The following DACH1 variants were observed in gnomAD, a reference collection of about 807,000 sequenced individuals.
The protein encoded by DACH1 is dachshund homolog 1.
Under a neutral mutation model 54.2 loss-of-function variants are expected in DACH1, and 12 were observed. That is an observed-to-expected ratio of 0.22 (90% CI 0.14 to 0.36). DACH1 has a LOEUF of 0.36. Among genes scored for constraint, DACH1 ranks in the 10% least tolerant of loss-of-function variants. DACH1 has a pLI of 1.00. For synonymous variants in DACH1, 386 were observed against 366.2 expected (o/e 1.05, Z -0.62); for missense variants, 805 against 929.8 (o/e 0.87, Z 1.75).
chr13:71,862,207 G>A (rs57429365), intron 1 of DACH1, among the ~76,000 whole-genome samples: 1 of 151,866 alleles, frequency 6.6e-6, no homozygotes, highest in Non-Finnish European at 1.5e-5. Context: ...AACAATGAAA[G>A]AAATGAATAT....
chr13:71,706,058 T>C (rs1282815404), intron 1 of DACH1, among the ~76,000 whole-genome samples: 1 of 152,064 alleles, frequency 6.6e-6, no homozygotes, highest in Non-Finnish European at 1.5e-5. Flanking sequence ...ATCATAAATA[T>C]TCTCTACCTT....
At chr13:71,706,563 T>A (rs1476813464) in intron 1 of DACH1, among the ~76,000 whole-genome samples, 1 of 152,184 alleles carries the variant, frequency 6.6e-6, no homozygotes, top group African/African-American at 2.4e-5. Flanking sequence ...AAGCACTGGC[T>A]TGATACAAAA....
rs559652544 is a variant in DACH1, at chr13:71,650,241, G to A, written c.965-19524C>T. ...ATCAATACATATCAAGAGCACATCA[G>A]CAATGTTTCCTCTACCATTACATTG... On this transcript the variant is annotated intron_variant, in intron 2 of 10. Transcript: ENST00000613252. Among the ~76,000 whole-genome samples, 149 of 152,234 alleles carry A rather than the reference G, an allele frequency of 9.8e-4. 1 individual carries two copies. Among genetic ancestry groups the A allele is most frequent in the Non-Finnish European group, 1.7e-3 (114 of 68,008 alleles).
chr13:71,679,281 G>T (rs1880756354), intron 2 of DACH1, among the ~76,000 whole-genome samples: 2 of 152,116 alleles, frequency 1.3e-5, no homozygotes, highest in Admixed American at 1.3e-4. Flanking sequence ...TTTTGAGTTG[G>T]GACTTTGGAA....
rs911016105 is a variant in DACH1, at chr13:71,712,622, G to T, written c.849-30712C>A. Among the ~76,000 whole-genome samples, 27 of 152,192 alleles carry T rather than the reference G, an allele frequency of 1.8e-4. 1 individual carries two copies. The highest frequency in any genetic ancestry group is 3.4e-3 in the Middle Eastern group (1 of 294). ...TGTATTCAAAAGAAACTTAGAGGTT[G>T]TTCCATGTACGACATGCTGGCCTAT... On this transcript the variant is annotated intron_variant, in intron 1 of 10. Transcript: ENST00000613252.
Position 71,490,161 on chromosome 13 carries a change from C to T in DACH1, c.1571-1013G>A, listed in dbSNP as rs138754506. Among the ~76,000 whole-genome samples, 8 of 152,202 alleles carry T rather than the reference C, an allele frequency of 5.3e-5. No individual in the cohort carries two copies. The East Asian group carries it at 5.8e-4, about 11-fold the overall frequency. The stretch of plus-strand genomic sequence containing the variant: ...TCAGAGCAATGTATTTGCACAGTCC[C>T]GATAGTATCTCTCAATTTTGCAAGT... On this transcript the variant is annotated intron_variant, in intron 6 of 10. Coordinates refer to ENST00000613252, the MANE Select transcript of DACH1 (RefSeq NM_080759.6).
At chr13:71,479,773 G>A (rs905415883) in intron 7 of DACH1, among the ~76,000 whole-genome samples, 1 of 152,094 alleles carries the variant, frequency 6.6e-6, no homozygotes, top group African/African-American at 2.4e-5. Flanking sequence ...CCTACCATGA[G>A]CACATAGCCA....
chr13:71,864,232 A>G (rs1874562922), intron 1 of DACH1, among the ~76,000 whole-genome samples: 1 of 149,888 alleles, frequency 6.7e-6, no homozygotes, highest in Admixed American at 6.7e-5. Context: ...ACCCCAAAAT[A>G]GTCGAAGGTT....
chr13:71,538,563 C>T (rs1039354231), intron 6 of DACH1, among the ~76,000 whole-genome samples: 6 of 151,986 alleles, frequency 3.9e-5, no homozygotes, highest in Non-Finnish European at 8.8e-5. Context: ...TCCATTTACA[C>T]GGTCACAAAA....
At chr13:71,449,131 G>A (rs1874759917) in intron 10 of DACH1, among the ~76,000 whole-genome samples, 1 of 152,110 alleles carries the variant, frequency 6.6e-6, no homozygotes, top group East Asian at 1.9e-4. Context: ...CCCGAGGTCA[G>A]GAGTTTGAGA....
chr13:71,837,037 G>A (rs944794726), intron 1 of DACH1, among the ~76,000 whole-genome samples: 5 of 151,776 alleles, frequency 3.3e-5, no homozygotes, highest in African/African-American at 1.2e-4. Context: ...CAATTCTGAG[G>A]CCTCTTAATT....
In DACH1 at chr13:71,458,403, T is replaced by C. The variant is rs572024010; in HGVS notation, c.2083+16738A>G. 9.9e-5 allele frequency among the ~76,000 whole-genome samples: 15 copies of C among 152,106 alleles called. No homozygotes were observed. The East Asian group carries it at 2.7e-3, about 27-fold the overall frequency. The stretch of plus-strand genomic sequence containing the variant: ...TCAATCAGCCAGTTGGAATGTACTC[T>C]GACAGTTGCCTGTACTCTGAAAGCA... On this transcript the variant is annotated intron_variant, in intron 10 of 10. Transcript: ENST00000613252.
intron 6 of DACH1, among the ~76,000 whole-genome samples, chr13:71,524,407 T>C (rs1881812256): frequency 6.6e-6 from 1 of 152,164 alleles, no homozygotes; most frequent in African/African-American, 2.4e-5. Flanking sequence ...AATGATTCAA[T>C]ATATCAACAA....
chr13:71,818,711 T>C (rs2138175486), intron 1 of DACH1, among the ~76,000 whole-genome samples: 1 of 152,352 alleles, frequency 6.6e-6, no homozygotes, highest in South Asian at 2.1e-4. Flanking sequence ...TATTTTTATC[T>C]TCCAGTTAGC....
intron 2 of DACH1, among the ~76,000 whole-genome samples, chr13:71,661,133 C>A (rs1020930871): frequency 1.3e-5 from 2 of 150,960 alleles, no homozygotes; most frequent in Non-Finnish European, 3.0e-5. Flanking sequence ...GTAATACTAG[C>A]TGCTTAAACA....
chr13:71,529,443 C>G (rs1339992559), intron 6 of DACH1, among the ~76,000 whole-genome samples: 2 of 151,976 alleles, frequency 1.3e-5, no homozygotes, highest in African/African-American at 4.8e-5. Context: ...CCTCGGTCTC[C>G]CAAAGTGCTG....
chr13:71,530,871 T>G, intron 6 of DACH1, among the ~76,000 whole-genome samples: 1 of 152,190 alleles, frequency 6.6e-6, no homozygotes, highest in East Asian at 1.9e-4. Context: ...TATTCCATTT[T>G]ATTTCCTTCC....
At chr13:71,489,563 T>C (rs1786490781) in intron 6 of DACH1, among the ~76,000 whole-genome samples, 1 of 152,136 alleles carries the variant, frequency 6.6e-6, no homozygotes, top group South Asian at 2.1e-4. Flanking sequence ...ATTAGGAAGC[T>C]TCTTTCTCTA....
chr13:71,534,653 AT>A (rs1467297714), intron 6 of DACH1, among the ~76,000 whole-genome samples: 2 of 151,726 alleles, frequency 1.3e-5, no homozygotes, highest in Non-Finnish European at 2.9e-5. Flanking sequence ...ATAAAATATA[AT>A]TTTAAATCTT....
Sources: allele counts gnomAD v4.1 joint callset (sites outside exome capture counted in the v4.1 genomes callset), GRCh38; gene constraint gnomAD v4.1.1; transcripts MANE v1.5; gene names NCBI Gene and HGNC (gene_info 2026-07-23, HGNC 2026-07-21).